Variants in ACMSD observed in about 807,000 individuals in gnomAD.
ACMSD encodes the protein 2-amino-3-carboxymuconate-6-semialdehyde decarboxylase.
Under a neutral mutation model 45.9 loss-of-function variants are expected in ACMSD, and 37 were observed. The observed-to-expected ratio is 0.81, with a 90% CI of 0.62 to 1.06. ACMSD has a LOEUF of 1.06. Among genes scored for constraint, ACMSD ranks in the 50% least tolerant of loss-of-function variants. The pLI is 0.00. For missense variants in ACMSD, 434 were observed against 420.9 expected, an observed-to-expected ratio of 1.03 and a Z score of -0.27; for synonymous variants, 138 against 148.8, an observed-to-expected ratio of 0.93 and a Z score of 0.53.
At chr2:134,878,116 GAACA>G (rs1185996659) in intron 8 of ACMSD, among the ~76,000 whole-genome samples, 2 of 152,070 alleles carry the variant, frequency 1.3e-5, no homozygotes, top group Non-Finnish European at 2.9e-5. Context: ...ACTGTGAACT[GAACA>G]GACAAGTTCC....
At chr2:134,838,817 T>C (rs1573604417) in intron 1 of ACMSD, 78 bp downstream of exon 1, 5 of 1,154,306 alleles carry the variant, frequency 4.3e-6, no homozygotes, top group South Asian at 2.7e-5. Context: ...TTTGTGGAAT[T>C]AGATGTCTAG....
intron 8 of ACMSD, among the ~76,000 whole-genome samples, chr2:134,874,449 C>G (rs1485951922): frequency 6.6e-6 from 1 of 152,060 alleles, no homozygotes; most frequent in Non-Finnish European, 1.5e-5. Context: ...AAAACAATCC[C>G]CATATCAGAA....
intron 8 of ACMSD, among the ~76,000 whole-genome samples, chr2:134,875,849 C>T (rs1187623039): frequency 6.6e-6 from 1 of 152,130 alleles, no homozygotes; most frequent in Non-Finnish European, 1.5e-5. Context: ...CTGAGAAATG[C>T]ATCATTAGGC....
intron 2 of ACMSD, among the ~76,000 whole-genome samples, chr2:134,857,583 A>G (rs1687641707): frequency 6.6e-6 from 1 of 152,092 alleles, no homozygotes; most frequent in South Asian, 2.1e-4. Context: ...TTTTGGTGGA[A>G]TATTTAGGGT....
intron 1 of ACMSD, among the ~76,000 whole-genome samples, chr2:134,840,958 T>C (rs1397142265): frequency 1.3e-5 from 2 of 152,188 alleles, no homozygotes; most frequent in Non-Finnish European, 2.9e-5. Flanking sequence ...GTGTCATTCT[T>C]ATGCCTTTGC....
rs748679357 is a variant in ACMSD at position 134,867,680 on chromosome 2, T to TCACA, written c.580+9_580+10insACAC. ...GGCTCCCTTGGCTTGTAGGTTTGTG[T>TCACA]CTGTGTGGGGTCTGGAACAGAGGAC... On this transcript the variant is annotated intron_variant, in intron 6 of 9. Coordinates refer to ENST00000356140, the MANE Select transcript of ACMSD (RefSeq NM_138326.3). 6.2e-7 allele frequency: 1 copy of TCACA among 1,612,950 alleles called. No homozygotes were observed. The highest frequency in any genetic ancestry group is 8.5e-7 in the Non-Finnish European group (1 of 1,179,180).
chr2:134,840,337 G>A (rs1160406427), intron 1 of ACMSD, among the ~76,000 whole-genome samples: 2 of 151,672 alleles, frequency 1.3e-5, no homozygotes, highest in South Asian at 2.1e-4. Context: ...TAGCATGATC[G>A]ACCCTCCAAG....
At chr2:134,868,104 A>C (rs757871787) in intron 6 of ACMSD, among the ~76,000 whole-genome samples, 3 of 152,204 alleles carry the variant, frequency 2.0e-5, no homozygotes, top group Non-Finnish European at 2.9e-5. Flanking sequence ...AATTTTTTAG[A>C]CGATGATAAT....
intron 5 of ACMSD, among the ~76,000 whole-genome samples, chr2:134,864,265 T>A (rs1257038905): frequency 3.7e-5 from 5 of 134,548 alleles, no homozygotes; most frequent in South Asian, 2.4e-4. Flanking sequence ...CAAGACTCCA[T>A]CTCAAAAAAA....
chr2:134,880,955 A>G (rs1689003973), intron 8 of ACMSD, among the ~76,000 whole-genome samples: 1 of 152,184 alleles, frequency 6.6e-6, no homozygotes, highest in Non-Finnish European at 1.5e-5. Flanking sequence ...TCTGCAAGTT[A>G]GACTTTCCGC....
rs1461338625 is a variant in ACMSD at position 134,840,186 on chromosome 2, A to C, written c.57+1447A>C. Among the ~76,000 whole-genome samples, 7 of 137,050 alleles carry C rather than the reference A, an allele frequency of 5.1e-5. 1 individual carries two copies. Among genetic ancestry groups the C allele is most frequent in the African/African-American group, 1.7e-4 (6 of 35,896 alleles). The allele number at this position is 137,050 out of a possible 152,430, so 89.9% of individuals were successfully genotyped here. A position where few individuals can be genotyped will look rare whatever the true frequency, so the allele number is the denominator to read the frequency against. ...ACCTAGCAAAAAAAAAAAAAAAAAAAAAAAAAACCACTAATTCCTCTGTTA... is the reference window on the plus strand; with the variant it reads ...ACCTAGCAAAAAAAAAAAAAAAAAACAAAAAAACCACTAATTCCTCTGTTA... On this transcript the variant is annotated intron_variant, in intron 1 of 9. Transcript: ENST00000356140.
In ACMSD at chr2:134,865,124, C is replaced by G. The variant is rs182184453; in HGVS notation, c.486+1493C>G. Among the ~76,000 whole-genome samples the G allele has an allele frequency of 1.9e-3, 295 of 152,294 alleles. 2 individuals carry two copies. Among genetic ancestry groups the G allele is most frequent in the African/African-American group, 6.9e-3 (288 of 41,560 alleles). On this transcript the variant is annotated intron_variant, in intron 5 of 9. Transcript: ENST00000356140. The stretch of plus-strand genomic sequence containing the variant: ...TTTAGTATTTACTGAGGTCTAACTA[C>G]AGGCAAAAAATTTTCCATGTTTGTA...
At chr2:134,841,008 T>C (rs1046953815) in intron 1 of ACMSD, among the ~76,000 whole-genome samples, 1 of 152,192 alleles carries the variant, frequency 6.6e-6, no homozygotes, top group Non-Finnish European at 1.5e-5. Flanking sequence ...TGAGAACATA[T>C]GATGTTTGGT....
chr2:134,880,345 A>T (rs1688969064), intron 8 of ACMSD, among the ~76,000 whole-genome samples: 2 of 152,198 alleles, frequency 1.3e-5, no homozygotes, highest in Admixed American at 1.3e-4. Context: ...CCATTACCCT[A>T]GTCATTTGGT....
intron 8 of ACMSD, among the ~76,000 whole-genome samples, chr2:134,893,585 G>C (rs1231954050): frequency 1.3e-5 from 2 of 151,932 alleles, no homozygotes; most frequent in Non-Finnish European, 2.9e-5. Flanking sequence ...CTCCATTTCT[G>C]CAATCACTCC....
intron 8 of ACMSD, among the ~76,000 whole-genome samples, chr2:134,880,959 T>C (rs1052989014): frequency 1.3e-5 from 2 of 152,212 alleles, no homozygotes; most frequent in African/African-American, 4.8e-5. Flanking sequence ...CAAGTTAGAC[T>C]TTCCGCCACC....
intron 8 of ACMSD, among the ~76,000 whole-genome samples, 169 bp from the exon 9 acceptor site, chr2:134,898,168 AAATT>A (rs1690280962): frequency 6.6e-6 from 1 of 152,000 alleles, no homozygotes. Context: ...AGTCAGAATA[AAATT>A]TGAACCATTA....
chr2:134,840,085 A>T (rs553502529), intron 1 of ACMSD, among the ~76,000 whole-genome samples: 1 of 147,082 alleles, frequency 6.8e-6, no homozygotes, highest in African/African-American at 2.5e-5. Context: ...GAAGCAATAG[A>T]TTATACTCCC....
chr2:134,848,783 A>G (rs1452384064), intron 2 of ACMSD, among the ~76,000 whole-genome samples: 1 of 152,154 alleles, frequency 6.6e-6, no homozygotes, highest in East Asian at 1.9e-4. Context: ...GCATTTGTCA[A>G]TTTTGGCTTT....
Sources: allele counts gnomAD v4.1 joint callset (sites outside exome capture counted in the v4.1 genomes callset), GRCh38; gene constraint gnomAD v4.1.1; transcripts MANE v1.5; gene names NCBI Gene and HGNC (gene_info 2026-07-23, HGNC 2026-07-21).